Variants in TMPRSS4 observed in about 807,000 individuals in gnomAD.
TMPRSS4 encodes the protein transmembrane protease serine 4.
Under a neutral mutation model 56.4 loss-of-function variants are expected in TMPRSS4, and 45 were observed. The observed-to-expected ratio is 0.80, with a 90% CI of 0.63 to 1.02. The LOEUF is 1.02. Ranked by LOEUF, TMPRSS4 falls within the 50% of genes least tolerant of loss-of-function variation. The pLI is 0.00. For synonymous variants in TMPRSS4, 205 were observed against 211.0 expected, an observed-to-expected ratio of 0.97 and a Z score of 0.25; for missense variants, 546 against 556.7, an observed-to-expected ratio of 0.98 and a Z score of 0.19.
chr11:118,123,866 G>A (rs1052223164), downstream of TMPRSS4, among the ~76,000 whole-genome samples: 3 of 152,122 alleles, frequency 2.0e-5, no homozygotes, highest in African/African-American at 7.2e-5. Context: ...CAAATGTAAG[G>A]CATGGGCTTT....
At position 118,095,348 on chromosome 11, in the gene TMPRSS4, A is replaced by T. The variant is rs139603712; in HGVS notation, c.43+493A>T. 3.5e-3 allele frequency: 583 copies of T among 165,606 alleles called. 1 individual carries two copies. The highest frequency in any genetic ancestry group is 0.012 in the African/African-American group (517 of 42,008). The allele number at this position is 165,606 out of a possible 1,614,324, so 10.3% of individuals were successfully genotyped here. On this transcript the variant is annotated intron_variant, in intron 2 of 12. Transcript: ENST00000437212. Reference sequence around the variant, plus strand: ...TAAGGAGGTATTTTTCTTCCATTACATTTTCTTAAACCATTAATATCTACT... The same window carrying T: ...TAAGGAGGTATTTTTCTTCCATTACTTTTTCTTAAACCATTAATATCTACT...
chr11:118,092,509 G>T lies in TMPRSS4; in HGVS notation c.4-2307G>T, dbSNP rs190780774. ...GAGGCAGTTTATTGATCTGGGTGGT[G>T]CCAGCTGATCCGTCAGGTGCAGGGT... On this transcript the variant is annotated intron_variant, in intron 1 of 12. Coordinates refer to ENST00000437212, the MANE Select transcript of TMPRSS4 (RefSeq NM_019894.4). 3.1e-3 allele frequency among the ~76,000 whole-genome samples: 468 copies of T among 152,356 alleles called. 10 individuals carry two copies. Among genetic ancestry groups the T allele is most frequent in the Non-Finnish European group, 4.4e-4 (30 of 68,046 alleles).
chr11:118,097,167 T>C (rs1045201950), intron 2 of TMPRSS4, among the ~76,000 whole-genome samples: 1 of 151,080 alleles, frequency 6.6e-6, no homozygotes, highest in Non-Finnish European at 1.5e-5. Flanking sequence ...CCAAGCACTG[T>C]TCTAGGCACC....
chr11:118,100,891 G>T (rs1248947246), intron 3 of TMPRSS4, among the ~76,000 whole-genome samples: 2 of 152,148 alleles, frequency 1.3e-5, no homozygotes, highest in Non-Finnish European at 2.9e-5. Context: ...ATCAGAGGTT[G>T]TTACCCAGTC....
At chr11:118,113,460 T>C in intron 9 of TMPRSS4, 25 bp downstream of exon 9, 1 of 1,610,236 alleles carries the variant, frequency 6.2e-7, no homozygotes, top group Non-Finnish European at 8.5e-7. Flanking sequence ...CCAAGGCCAC[T>C]CAAGCCTCTT....
chr11:118,104,282 T>C (rs1348868559), intron 4 of TMPRSS4, among the ~76,000 whole-genome samples: 1 of 152,188 alleles, frequency 6.6e-6, no homozygotes, highest in Non-Finnish European at 1.5e-5. Context: ...CTTAGGTCCC[T>C]CTCTCAGACA....
chr11:118,100,887 G>T (rs373358672), intron 3 of TMPRSS4, among the ~76,000 whole-genome samples: 1 of 152,254 alleles, frequency 6.6e-6, no homozygotes, highest in Non-Finnish European at 1.5e-5. Flanking sequence ...TGCAATCAGA[G>T]GTTGTTACCC....
At chr11:118,113,670 A>G (rs2135453653) in intron 9 of TMPRSS4, among the ~76,000 whole-genome samples, 1 of 152,286 alleles carries the variant, frequency 6.6e-6, no homozygotes, top group African/African-American at 2.4e-5. Context: ...TGTCTTCCCT[A>G]TGTGGAGCCC....
chr11:118,108,088 C>G (rs949465665), intron 6 of TMPRSS4: 19 of 538,772 alleles, frequency 3.5e-5, no homozygotes, highest in African/African-American at 3.4e-4. Flanking sequence ...ATACAATGGA[C>G]AGCTGGACAA....
chr11:118,104,119 G>A (rs1449267211), intron 4 of TMPRSS4, among the ~76,000 whole-genome samples: 1 of 152,176 alleles, frequency 6.6e-6, no homozygotes, highest in East Asian at 1.9e-4. Context: ...ATAGGTAGGA[G>A]ATGAGTGATG....
rs1947698446 is a variant in TMPRSS4, at chr11:118,119,001, T to C, written c.*1088T>C. 1 of 985,454 alleles carries C rather than the reference T, an allele frequency of 1.0e-6. No homozygotes were observed. The highest frequency in any genetic ancestry group is 1.2e-6 in the Non-Finnish European group (1 of 829,930). The allele number at this position is 985,454 out of a possible 1,614,324, so 61.0% of individuals were successfully genotyped here. A position where few individuals can be genotyped will look rare whatever the true frequency, so the allele number is the denominator to read the frequency against. ...AAACCCCATGGACTTTTTTGGCATC[T>C]GTATGAAAGCTTGGGTTTTCTGAGG... is the stretch of plus-strand genomic sequence containing the variant. On this transcript the variant is annotated 3_prime_UTR_variant, in exon 13 of 13. Transcript: ENST00000437212.
rs866386013 is a variant in TMPRSS4 at position 118,085,240 on chromosome 11, T to C, written c.3+7935T>C. The stretch of plus-strand genomic sequence containing the variant: ...ATCTTCTTCTTCTTTTTTTTTTTTT[T>C]TGAGACAGAGTCTAACACTGTTGCC... On this transcript the variant is annotated intron_variant, in intron 1 of 12. Transcript: ENST00000437212. Among the ~76,000 whole-genome samples, 831 of 151,182 alleles carry C rather than the reference T, an allele frequency of 5.5e-3. 6 individuals are homozygous for C. Among genetic ancestry groups the C allele is most frequent in the African/African-American group, 0.02 (802 of 40,890 alleles).
intron 1 of TMPRSS4, chr11:118,088,203 G>A (rs1299036785): frequency 6.6e-6 from 1 of 152,264 alleles, no homozygotes; most frequent in Non-Finnish European, 1.5e-5. Context: ...CAAAGGGCTA[G>A]ATCTGTTCCT....
In TMPRSS4 at chr11:118,104,835, C is replaced by G. The variant is rs1229063810; in HGVS notation, c.440+15C>G. On this transcript the variant is annotated intron_variant, in intron 5 of 12. Transcript: ENST00000437212. ...GGCTACAGCAGGTAACCAACCTGGG[C>G]CTCTCTCCTTTTTCCCTCCTTCCTC... is the stretch of plus-strand genomic sequence containing the variant. The G allele has an allele frequency of 6.4e-7, 1 of 1,557,556 alleles. No individual in the cohort carries two copies. The highest frequency in any genetic ancestry group is 8.7e-7 in the Non-Finnish European group (1 of 1,151,416).
intron 3 of TMPRSS4, chr11:118,099,308 G>A: frequency 2.3e-6 from 1 of 430,796 alleles, no homozygotes. Context: ...GCCCCTACTT[G>A]TCCTTCACCC....
At chr11:118,082,661 A>C (rs545580185) in intron 1 of TMPRSS4, among the ~76,000 whole-genome samples, 2 of 152,368 alleles carry the variant, frequency 1.3e-5, no homozygotes, top group Non-Finnish European at 2.9e-5. Flanking sequence ...AGCTATAATT[A>C]ACTTAGACTT....
intron 6 of TMPRSS4, chr11:118,108,079 T>C (rs1947089493): frequency 5.5e-6 from 3 of 550,348 alleles, no homozygotes; most frequent in Admixed American, 3.0e-5. Flanking sequence ...TTGTTTTTAA[T>C]ACAATGGACA....
Position 118,108,896 on chromosome 11 carries a change from G to T in TMPRSS4, c.583G>T (p.Ala195Ser). 6.2e-7 allele frequency: 1 copy of T among 1,613,916 alleles called. No homozygotes were observed. The highest frequency in any genetic ancestry group is 8.5e-7 in the Non-Finnish European group (1 of 1,179,892). ...SGSLVSLHCL[A>S]CGKSLKTPRV... ...CTCCCTGGTCTCCCTGCACTGTCTT[G>T]GTGAGTACCCCCAATCTCTGAGGGT... Residue 195 changes from alanine (A) to serine (S), a missense_variant and splice_region_variant, in exon 7 of 13, where the codon GCC becomes TCC. Transcript: ENST00000437212.
intron 2 of TMPRSS4, among the ~76,000 whole-genome samples, chr11:118,096,172 C>T (rs542233530): frequency 2.0e-5 from 3 of 152,244 alleles, no homozygotes; most frequent in Non-Finnish European, 4.4e-5. Context: ...ATTCTGAAGA[C>T]TGGCTGCTGG....
Sources: allele counts gnomAD v4.1 joint callset (sites outside exome capture counted in the v4.1 genomes callset), GRCh38; gene constraint gnomAD v4.1.1; transcripts MANE v1.5; gene names NCBI Gene and HGNC (gene_info 2026-07-23, HGNC 2026-07-21).